The following ADGRL3 variants were observed in gnomAD, a reference collection of about 807,000 sequenced individuals.
The protein encoded by ADGRL3 is adhesion G protein-coupled receptor L3.
Under a neutral mutation model 153.5 loss-of-function variants are expected in ADGRL3, and 62 were observed. The ratio of observed to expected loss-of-function variants is 0.40; its 90% confidence interval spans 0.33 to 0.50. The LOEUF is 0.50. Among genes scored for constraint, ADGRL3 ranks in the 20% least tolerant of loss-of-function variants. ADGRL3 has a pLI of 0.47. For missense variants in ADGRL3, 1,641 were observed against 1,859.4 expected (o/e 0.88, Z 2.16); for synonymous variants, 710 against 672.5 (o/e 1.06, Z -0.86).
At chr4:61,837,998 A>G (rs1401220112) in intron 9 of ADGRL3, among the ~76,000 whole-genome samples, 1 of 152,138 alleles carries the variant, frequency 6.6e-6, no homozygotes, top group Non-Finnish European at 1.5e-5. Context: ...AGTAAGCTCT[A>G]GAATGGCATT....
At chr4:61,279,913 G>A (rs908334847) in intron 1 of ADGRL3, among the ~76,000 whole-genome samples, 2 of 151,926 alleles carry the variant, frequency 1.3e-5, no homozygotes, top group African/African-American at 4.8e-5. Flanking sequence ...ATAAATATTT[G>A]TTGCAACTAC....
intron 4 of ADGRL3, among the ~76,000 whole-genome samples, chr4:61,535,390 C>T (rs1223783976): frequency 1.3e-5 from 2 of 151,932 alleles, no homozygotes; most frequent in Non-Finnish European, 2.9e-5. Context: ...GGATATTGGT[C>T]TGTAGTTTTC....
intron 6 of ADGRL3, among the ~76,000 whole-genome samples, chr4:61,695,814 C>T (rs2095632603): frequency 6.6e-6 from 1 of 152,122 alleles, no homozygotes; most frequent in Non-Finnish European, 1.5e-5. Flanking sequence ...CATCAGTTAT[C>T]TTAGATCTCT....
intron 1 of ADGRL3, among the ~76,000 whole-genome samples, chr4:61,229,955 A>G (rs1749861493): frequency 6.6e-6 from 1 of 152,070 alleles, no homozygotes. Flanking sequence ...ATAGATAGAT[A>G]GATAGATAGA....
Position 61,781,515 on chromosome 4 carries a change from G to A in ADGRL3, c.1400-32294G>A, listed in dbSNP as rs184552507. Among the ~76,000 whole-genome samples, 407 of 152,186 alleles carry A rather than the reference G, an allele frequency of 2.7e-3. 2 individuals carry two copies. Among genetic ancestry groups the A allele is most frequent in the African/African-American group, 9.3e-3 (388 of 41,506 alleles). On this transcript the variant is annotated intron_variant, in intron 8 of 26. Transcript: ENST00000683033. ...TTGGCTTAGTGAGTTAGGGTGAGTA[G>A]TAGCCGGTTATTCTGAAGATCTTTG...
chr4:61,445,847 T>C (rs2097576132), intron 2 of ADGRL3, among the ~76,000 whole-genome samples: 1 of 152,178 alleles, frequency 6.6e-6, no homozygotes, highest in African/African-American at 2.4e-5. Flanking sequence ...AAAAATACTA[T>C]TGCCTAGTGA....
At chr4:61,815,337 G>C (rs1051323256) in intron 9 of ADGRL3, among the ~76,000 whole-genome samples, 1 of 152,116 alleles carries the variant, frequency 6.6e-6, no homozygotes. Context: ...TTTTTCCCCA[G>C]GTCAGTTGGG....
intron 1 of ADGRL3, among the ~76,000 whole-genome samples, chr4:61,369,303 A>G (rs1293398214): frequency 3.9e-5 from 6 of 152,142 alleles, no homozygotes; most frequent in Admixed American, 1.3e-4. Context: ...TCCCTGTCTT[A>G]TGCCAGTTTT....
At chr4:61,772,707 T>C (rs568769164) in intron 8 of ADGRL3, among the ~76,000 whole-genome samples, 26 of 152,252 alleles carry the variant, frequency 1.7e-4, no homozygotes, top group African/African-American at 5.5e-4. Flanking sequence ...GATGCCCCTT[T>C]CCACTGGGTA....
rs757024826 is a variant in ADGRL3 at position 61,730,614 on chromosome 4, T to C, written c.584-8T>C. On this transcript the variant is annotated splice_region_variant and splice_polypyrimidine_tract_variant and intron_variant, in intron 6 of 26. Transcript: ENST00000683033. Reference sequence around the variant, plus strand: ...TCCTTTCTCTCTTTACTTCTCTCTCTCCAATAGAAGTGGAACAAAAAGGTA... The same window carrying C: ...TCCTTTCTCTCTTTACTTCTCTCTCCCCAATAGAAGTGGAACAAAAAGGTA... 16 of 554,520 alleles carry C rather than the reference T, an allele frequency of 2.9e-5. No homozygotes were observed. Among genetic ancestry groups the C allele is most frequent in the African/African-American group, 2.7e-4 (14 of 51,786 alleles). The allele number at this position is 554,520 out of a possible 1,614,324, so 34.3% of individuals were successfully genotyped here.
At chr4:61,932,111 A>G (rs1458895296) in intron 13 of ADGRL3, among the ~76,000 whole-genome samples, 3 of 152,056 alleles carry the variant, frequency 2.0e-5, no homozygotes, top group East Asian at 3.9e-4. Flanking sequence ...GGTTTTCTGT[A>G]TATAAGATCA....
At chr4:61,300,005 G>T (rs2094530262) in intron 1 of ADGRL3, among the ~76,000 whole-genome samples, 1 of 152,114 alleles carries the variant, frequency 6.6e-6, no homozygotes, top group Non-Finnish European at 1.5e-5. Context: ...GTATGTTGCA[G>T]AGTGGGCTTT....
At chr4:61,840,692 T>C (rs1431058034) in intron 9 of ADGRL3, among the ~76,000 whole-genome samples, 1 of 152,170 alleles carries the variant, frequency 6.6e-6, no homozygotes, top group African/African-American at 2.4e-5. Flanking sequence ...GATGAGAATT[T>C]TTCCCTAAAA....
At chr4:61,646,187 T>G (rs2093973702) in intron 5 of ADGRL3, among the ~76,000 whole-genome samples, 1 of 152,206 alleles carries the variant, frequency 6.6e-6, no homozygotes, top group Admixed American at 6.5e-5. Context: ...TACATTCTTC[T>G]AAATTTTTTT....
chr4:61,530,228 G>A (rs141316469), intron 4 of ADGRL3, among the ~76,000 whole-genome samples: 1 of 152,006 alleles, frequency 6.6e-6, no homozygotes, highest in African/African-American at 2.4e-5. Flanking sequence ...GATATAGAAG[G>A]GTAGTGAAGA....
In ADGRL3 at chr4:61,733,054, A is replaced by T; in HGVS notation, c.899A>T (p.Asp300Val). 6.2e-7 allele frequency: 1 copy of T among 1,613,672 alleles called. No homozygotes were observed. The highest frequency in any genetic ancestry group is 1.7e-5 in the Admixed American group (1 of 59,906). ...KERTRNIVKF[D>V]LRTRIKSGEA... Reference sequence around the variant, plus strand: ...CGCACCAGGAACATAGTAAAGTTTGATTTGCGGACTAGGATAAAGAGTGGA... The same window carrying T: ...CGCACCAGGAACATAGTAAAGTTTGTTTTGCGGACTAGGATAAAGAGTGGA... The change falls in exon 8 of 27, where the codon GAT becomes GTT. Residue 300 changes from aspartate (D) to valine (V), a missense_variant. Asp to Val is a radical substitution (Grantham distance 152). This residue lies in a region of ADGRL3 where 213 missense variants were observed against 362.1 expected (regional missense o/e 0.59). Transcript: ENST00000683033.
At chr4:61,279,866 C>A (rs1377544185) in intron 1 of ADGRL3, among the ~76,000 whole-genome samples, 2 of 152,034 alleles carry the variant, frequency 1.3e-5, no homozygotes, top group Non-Finnish European at 2.9e-5. Flanking sequence ...AGTCACTTAA[C>A]CCCTTTGGCC....
intron 23 of ADGRL3, 33 bp from the exon 24 acceptor site, chr4:62,037,698 C>T (rs1156661705): frequency 1.2e-6 from 2 of 1,612,556 alleles, no homozygotes; most frequent in East Asian, 2.2e-5. Flanking sequence ...CAATGAATTA[C>T]TTGCTAACAG....
intron 6 of ADGRL3, among the ~76,000 whole-genome samples, chr4:61,723,487 G>A (rs1194733847): frequency 6.6e-6 from 1 of 152,172 alleles, no homozygotes; most frequent in Non-Finnish European, 1.5e-5. Context: ...TCCACAGAAA[G>A]CAGTCAGTTA....
Sources: gnomAD v4.1 joint callset for allele counts (sites outside exome capture counted in the v4.1 genomes callset) on GRCh38, gnomAD v4.1.1 for gene constraint, gnomAD v4.1.1 regional missense constraint, MANE v1.5 for transcripts, NCBI Gene and HGNC (gene_info 2026-07-23, HGNC 2026-07-21) for gene names.